Variants in TSHR observed in about 807,000 individuals in gnomAD.
The protein encoded by TSHR is thyroid stimulating hormone receptor.
Under a neutral mutation model 64.1 loss-of-function variants are expected in TSHR, and 51 were observed. The observed-to-expected ratio is 0.80, with a 90% CI of 0.64 to 1.01. The LOEUF (loss-of-function observed/expected upper bound fraction) is 1.01, where lower values mean the gene tolerates loss of function less well. Ranked by LOEUF, TSHR falls within the 50% of genes least tolerant of loss-of-function variation. The pLI, the probability that TSHR is intolerant of heterozygous loss-of-function variation, is 0.00. For missense variants in TSHR, 877 were observed against 942.8 expected (o/e 0.93, Z 0.91); for synonymous variants, 361 against 361.9 (o/e 1.00, Z 0.03).
intron 4 of TSHR, 40 bp downstream of exon 4, chr14:81,088,068 G>A (rs1170162702): frequency 4.7e-6 from 7 of 1,489,050 alleles, no homozygotes; most frequent in South Asian, 1.1e-5. Context: ...TTTCTGGGGG[G>A]AGGGGGTCAG....
At chr14:81,014,740 G>A (rs114395680) in intron 1 of TSHR, among the ~76,000 whole-genome samples, 1,804 of 152,272 alleles carry the variant, frequency 0.012, 21 homozygotes, top group African/African-American at 0.016. Flanking sequence ...CTTGACTATA[G>A]TTCCTGCAGC....
At chr14:81,067,729 G>A (rs973983266) in intron 2 of TSHR, among the ~76,000 whole-genome samples, 2 of 148,252 alleles carry the variant, frequency 1.3e-5, no homozygotes, top group Admixed American at 6.7e-5. Flanking sequence ...AAATAGAAGA[G>A]TTCCTTTAAA....
intron 8 of TSHR, among the ~76,000 whole-genome samples, chr14:81,112,890 T>A (rs537847430): frequency 2.6e-5 from 4 of 151,914 alleles, no homozygotes; most frequent in African/African-American, 9.7e-5. Flanking sequence ...TCAAACAGAG[T>A]AAAGTAAACG....
In TSHR at chr14:81,131,844, C is replaced by T. The variant is rs187042260; in HGVS notation, c.693-7835C>T. On this transcript the variant is annotated intron_variant, in intron 8 of 9. Coordinates refer to ENST00000298171, the MANE Select transcript of TSHR (RefSeq NM_000369.5). ...TATCATCTAACATACTGTATGTCTTCACTTTTTTAAGAAAAAATTACCTTT... is the reference window on the plus strand; with the variant it reads ...TATCATCTAACATACTGTATGTCTTTACTTTTTTAAGAAAAAATTACCTTT... Among the ~76,000 whole-genome samples, 16 of 152,278 alleles carry T rather than the reference C, an allele frequency of 1.1e-4. No individual in the cohort carries two copies. In the East Asian group the frequency reaches 1.7e-3, roughly 17 times the overall value.
chr14:81,102,228 A>C (rs1479977183), intron 7 of TSHR, among the ~76,000 whole-genome samples: 1 of 151,604 alleles, frequency 6.6e-6, no homozygotes, highest in East Asian at 1.9e-4. Flanking sequence ...TTATTAGAGG[A>C]TCTGCTGTAT....
chr14:81,105,064 C>CTCCTTG, intron 7 of TSHR: 1 of 985,316 alleles, frequency 1.0e-6, no homozygotes, highest in Non-Finnish European at 1.2e-6. Context: ...TGTTCATCTT[C>CTCCTTG]TCCTTGCAAG....
At chr14:80,984,193 C>T (rs141776207) in intron 1 of TSHR, among the ~76,000 whole-genome samples, 1 of 152,172 alleles carries the variant, frequency 6.6e-6, no homozygotes, top group Non-Finnish European at 1.5e-5. Context: ...CTATTCCAGC[C>T]GTATCAGATA....
intron 1 of TSHR, among the ~76,000 whole-genome samples, chr14:80,985,207 G>A (rs1486390899): frequency 6.6e-5 from 10 of 152,284 alleles, no homozygotes; most frequent in Admixed American, 3.9e-4. Context: ...CGGAGATCGC[G>A]CCACTGCACT....
chr14:81,112,577 T>G (rs1661631228), intron 8 of TSHR, among the ~76,000 whole-genome samples: 1 of 152,146 alleles, frequency 6.6e-6, no homozygotes, highest in Non-Finnish European at 1.5e-5. Context: ...TCCTATCCAA[T>G]CCCAACAATC....
chr14:81,135,468 C>T (rs906467551), intron 8 of TSHR, among the ~76,000 whole-genome samples: 8 of 152,272 alleles, frequency 5.3e-5, no homozygotes, highest in African/African-American at 1.9e-4. Context: ...AGACCAGTCA[C>T]AAAGTTTTTG....
chr14:81,030,085 G>A (rs1350760874), intron 1 of TSHR, among the ~76,000 whole-genome samples: 1 of 152,120 alleles, frequency 6.6e-6, no homozygotes, highest in East Asian at 1.9e-4. Flanking sequence ...TACAATTACT[G>A]GAGCATATTT....
intron 7 of TSHR, chr14:81,102,761 T>C: frequency 1.0e-6 from 1 of 984,370 alleles, no homozygotes; most frequent in Non-Finnish European, 1.2e-6. Flanking sequence ...TGTAGACCTC[T>C]GGATAAAAGT....
intron 1 of TSHR, among the ~76,000 whole-genome samples, chr14:81,059,050 A>G (rs1441625519): frequency 1.3e-5 from 2 of 152,160 alleles, no homozygotes; most frequent in African/African-American, 4.8e-5. Context: ...GGTTATGTGC[A>G]TGCCGGAGCA....
At chr14:81,112,922 A>G (rs1002483168) in intron 8 of TSHR, among the ~76,000 whole-genome samples, 5 of 152,220 alleles carry the variant, frequency 3.3e-5, no homozygotes. Flanking sequence ...AAAAGCTGTG[A>G]TCAAAAAGAT....
At chr14:81,030,878 C>A (rs1361898422) in intron 1 of TSHR, among the ~76,000 whole-genome samples, 2 of 152,084 alleles carry the variant, frequency 1.3e-5, no homozygotes, top group African/African-American at 4.8e-5. Context: ...ACACATGGGG[C>A]AAATGTTCCT....
chr14:81,111,355 C>T (rs1004344573), intron 8 of TSHR, among the ~76,000 whole-genome samples: 3 of 152,208 alleles, frequency 2.0e-5, no homozygotes, highest in Non-Finnish European at 2.9e-5. Flanking sequence ...GGGCACCATA[C>T]GTTGAGTAGC....
chr14:81,109,272 A>G (rs1890116832), intron 8 of TSHR, among the ~76,000 whole-genome samples: 1 of 151,916 alleles, frequency 6.6e-6, no homozygotes, highest in Non-Finnish European at 1.5e-5. Flanking sequence ...AGCTGGGCGT[A>G]GTGGCGGGTG....
chr14:81,087,734 A>T (rs1888386703), intron 3 of TSHR: 1 of 593,376 alleles, frequency 1.7e-6, no homozygotes, highest in African/African-American at 1.9e-5. Flanking sequence ...AAACCAAGCC[A>T]ACAATGCAAA....
chr14:81,134,438 A>G (rs1891373203), intron 8 of TSHR, among the ~76,000 whole-genome samples: 1 of 151,974 alleles, frequency 6.6e-6, no homozygotes. Context: ...ACCCAACCAA[A>G]TACGCTGTTT....
Sources: allele counts gnomAD v4.1 joint callset (sites outside exome capture counted in the v4.1 genomes callset), GRCh38; gene constraint gnomAD v4.1.1; transcripts MANE v1.5; gene names NCBI Gene and HGNC (gene_info 2026-07-23, HGNC 2026-07-21).